Variants in SVEP1 observed in about 807,000 individuals in gnomAD.
The protein encoded by SVEP1 is sushi, von Willebrand factor type A, EGF and pentraxin domain-containing protein 1.
A neutral mutation model predicts 367.3 loss-of-function variants in SVEP1; 164 were observed. The observed-to-expected ratio is 0.45, with a 90% CI of 0.39 to 0.51. The LOEUF (loss-of-function observed/expected upper bound fraction) is 0.51, where lower values mean the gene tolerates loss of function less well. Among genes scored for constraint, SVEP1 ranks in the 20% least tolerant of loss-of-function variants. The pLI, the probability that SVEP1 is intolerant of heterozygous loss-of-function variation, is 0.00. For missense variants in SVEP1, 4,117 were observed against 4,425.3 expected, an observed-to-expected ratio of 0.93 and a Z score of 1.98; for synonymous variants, 1,666 against 1,611.6, an observed-to-expected ratio of 1.03 and a Z score of -0.81.
chr9:110,466,760 CAAAAA>C (rs71371670), intron 17 of SVEP1, among the ~76,000 whole-genome samples: 2 of 46,424 alleles, frequency 4.3e-5, no homozygotes, highest in African/African-American at 1.9e-4. Context: ...GACTCCATCT[CAAAAA>C]AAAAAAAAAA....
chr9:110,406,952 G>A lies in SVEP1; in HGVS notation c.8648C>T (p.Thr2883Ile). 1 of 1,613,924 alleles carries A rather than the reference G, an allele frequency of 6.2e-7. No homozygotes were observed. The highest frequency in any genetic ancestry group is 8.5e-7 in the Non-Finnish European group (1 of 1,179,868). Residue 2883 changes from threonine (T) to isoleucine (I), a missense_variant, in exon 38 of 48, where the codon ACT (threonine) becomes ATT (isoleucine). By Grantham distance (89) the Thr-to-Ile change is moderately conservative. Coordinates refer to ENST00000374469, the MANE Select transcript of SVEP1 (RefSeq NM_153366.4). ...ACATCTGACAGGCACACAGTCGGGA[G>A]TGGCTCCACTCCAACTTCCATTGGC... is the stretch of plus-strand genomic sequence containing the variant. ...CLANGSWSGA[T>I]PDCVPVRCAT...
intron 42 of SVEP1, among the ~76,000 whole-genome samples, chr9:110,386,996 T>TC (rs149653740): frequency 6.1e-5 from 5 of 82,510 alleles, no homozygotes; most frequent in African/African-American, 6.9e-5. Flanking sequence ...TTCATTTCTT[T>TC]CCTATCCCCA....
chr9:110,475,231 G>A (rs958447273), intron 14 of SVEP1, among the ~76,000 whole-genome samples: 2 of 152,094 alleles, frequency 1.3e-5, no homozygotes, highest in African/African-American at 4.8e-5. Flanking sequence ...AAATATTACA[G>A]ACATGACTAG....
chr9:110,399,246 T>TA (rs896375128), intron 40 of SVEP1, among the ~76,000 whole-genome samples: 3 of 148,816 alleles, frequency 2.0e-5, no homozygotes, highest in Non-Finnish European at 4.4e-5. Context: ...ATCCCAAGGA[T>TA]AAAAAACCAA....
chr9:110,517,888 G>T lies in SVEP1; in HGVS notation c.965-3782C>A, dbSNP rs564883056. Among the ~76,000 whole-genome samples the T allele has an allele frequency of 3.3e-5, 5 of 151,684 alleles. No homozygotes were observed. In the East Asian group the frequency reaches 9.7e-4, roughly 29 times the overall value. ...AAACCTGTGGAACATATAGTAAATT[G>T]CTAACTAAAATAATTGTGGAAATGA... is the stretch of plus-strand genomic sequence containing the variant. On this transcript the variant is annotated intron_variant, in intron 3 of 47. Transcript: ENST00000374469.
intron 1 of SVEP1, among the ~76,000 whole-genome samples, chr9:110,561,068 C>T (rs1830420324): frequency 6.6e-6 from 1 of 152,062 alleles, no homozygotes; most frequent in Non-Finnish European, 1.5e-5. Flanking sequence ...AACCACAACC[C>T]TTACCACACC....
chr9:110,482,388 T>C lies in SVEP1; in HGVS notation c.2143A>G (p.Thr715Ala). ...TATDPSGNNR[T>A]CDIHIVIKGS... ...TTTATGACAATATGGATATCACATG[T>C]CCTGTTATTGCCTGAGGGGTCAGTG... is the stretch of plus-strand genomic sequence containing the variant. The change falls in exon 11 of 48, where the codon ACA (threonine) becomes GCA (alanine). Residue 715 changes from threonine (T) to alanine (A), a missense_variant. This residue lies in a region of SVEP1 where 2,174 missense variants were observed against 2,494.3 expected (regional missense o/e 0.87). Transcript: ENST00000374469. 1 of 1,612,780 alleles carries C rather than the reference T, an allele frequency of 6.2e-7. No individual in the cohort carries two copies. The highest frequency in any genetic ancestry group is 8.5e-7 in the Non-Finnish European group (1 of 1,179,510).
At chr9:110,431,611 C>T (rs1828350381) in intron 32 of SVEP1, among the ~76,000 whole-genome samples, 1 of 152,092 alleles carries the variant, frequency 6.6e-6, no homozygotes, top group South Asian at 2.1e-4. Flanking sequence ...AGGGATGTCA[C>T]TGATTATATT....
At chr9:110,373,642 T>C (rs1454470830) in intron 46 of SVEP1, among the ~76,000 whole-genome samples, 1 of 152,086 alleles carries the variant, frequency 6.6e-6, no homozygotes, top group East Asian at 1.9e-4. Context: ...AAGTGGTGGC[T>C]TAAAATTTTA....
At chr9:110,550,236 G>A in intron 1 of SVEP1, 132 bp from the exon 2 acceptor site, 2 of 1,194,058 alleles carry the variant, frequency 1.7e-6, no homozygotes, top group Non-Finnish European at 2.4e-6. Flanking sequence ...GCCCTAGTCA[G>A]AGTAAAACAG....
chr9:110,365,530 T>G lies in SVEP1; in HGVS notation c.*1009A>C, dbSNP rs1345112360. ...CTATTTTAAAACAAAATCTAGGGTTTGACTTTATTTTCTGAAGTCTGGGGA... is the reference window on the plus strand; with the variant it reads ...CTATTTTAAAACAAAATCTAGGGTTGGACTTTATTTTCTGAAGTCTGGGGA... On this transcript the variant is annotated 3_prime_UTR_variant, in exon 48 of 48. Transcript: ENST00000374469. 1 of 152,242 alleles carries G rather than the reference T, an allele frequency of 6.6e-6. No homozygotes were observed. Among genetic ancestry groups the G allele is most frequent in the Non-Finnish European group, 1.5e-5 (1 of 68,074 alleles). 9.4% of individuals were successfully genotyped at this position (152,242 alleles called of 1,614,324 possible).
intron 36 of SVEP1, among the ~76,000 whole-genome samples, chr9:110,424,064 A>G (rs1223025751): frequency 1.3e-5 from 2 of 152,216 alleles, no homozygotes; most frequent in African/African-American, 4.8e-5. Context: ...GTTAACTGGT[A>G]TGGTCACTCC....
chr9:110,437,503 C>T (rs1023901962), intron 27 of SVEP1, among the ~76,000 whole-genome samples: 4 of 152,234 alleles, frequency 2.6e-5, no homozygotes, highest in African/African-American at 9.6e-5. Context: ...CTTGATTACA[C>T]TACGCTTGAT....
At chr9:110,463,354 G>A (rs1828887644) in intron 18 of SVEP1, among the ~76,000 whole-genome samples, 1 of 152,014 alleles carries the variant, frequency 6.6e-6, no homozygotes, top group Non-Finnish European at 1.5e-5. Flanking sequence ...GTTATAAAAA[G>A]TAAAATGTAC....
At chr9:110,469,535 CT>C (rs1417723475) in intron 16 of SVEP1, among the ~76,000 whole-genome samples, 3 of 152,208 alleles carry the variant, frequency 2.0e-5, no homozygotes, top group African/African-American at 4.8e-5. Flanking sequence ...TTGAAACTGA[CT>C]GCTTGTCAGT....
intron 36 of SVEP1, among the ~76,000 whole-genome samples, chr9:110,423,482 G>T (rs573133726): frequency 1.3e-5 from 2 of 152,148 alleles, no homozygotes; most frequent in African/African-American, 4.8e-5. Context: ...GAAGTAAAAA[G>T]GTACATAGTG....
At chr9:110,508,616 C>G (rs1347311890) in intron 5 of SVEP1, among the ~76,000 whole-genome samples, 1 of 151,720 alleles carries the variant, frequency 6.6e-6, no homozygotes, top group East Asian at 1.9e-4. Context: ...AAAAAATTAG[C>G]CGGGCATGGT....
intron 1 of SVEP1, among the ~76,000 whole-genome samples, chr9:110,577,201 G>T (rs1318872453): frequency 6.6e-6 from 1 of 151,994 alleles, no homozygotes; most frequent in African/African-American, 2.4e-5. Context: ...AAAAAGAATA[G>T]ATTTTTTAAA....
At chr9:110,479,558 T>C (rs1209002423) in intron 13 of SVEP1, 77 bp downstream of exon 13, 1 of 1,459,306 alleles carries the variant, frequency 6.9e-7, no homozygotes, top group Non-Finnish European at 9.1e-7. Flanking sequence ...GGATGAGAAA[T>C]CGCAGTTGTA....
Sources: allele counts gnomAD v4.1 joint callset (sites outside exome capture counted in the v4.1 genomes callset), GRCh38; gene constraint gnomAD v4.1.1; regional missense constraint gnomAD v4.1.1; transcripts MANE v1.5; gene names NCBI Gene and HGNC (gene_info 2026-07-23, HGNC 2026-07-21).